Variants in EDN2 observed in about 807,000 individuals in gnomAD.
EDN2 encodes endothelin-2.
EDN2 carries 10 observed loss-of-function variants against 19.9 expected under a neutral mutation model. That is an observed-to-expected ratio of 0.50 (90% CI 0.31 to 0.85). The LOEUF is 0.85. Ranked by LOEUF, EDN2 falls within the 40% of genes least tolerant of loss-of-function variation. The pLI, the probability that EDN2 is intolerant of heterozygous loss-of-function variation, is 0.05. For synonymous variants in EDN2, 84 were observed against 94.9 expected (o/e 0.89, Z 0.67); for missense variants, 222 against 239.3 (o/e 0.93, Z 0.48).
chr1:41,484,105 G>T lies in EDN2; in HGVS notation c.163C>A (p.Leu55Ile). The T allele has an allele frequency of 1.2e-6, 2 of 1,613,778 alleles. No individual in the cohort carries two copies. Among genetic ancestry groups the T allele is most frequent in the South Asian group, 2.2e-5 (2 of 91,020 alleles). ...RLRRCSCSSW[L>I]DKECVYFCHL... ...CAGAAGTAGACGCACTCCTTGTCGA[G>T]CCAGGAGCTGCAGGAGCAACGGCGA... The change falls in exon 2 of 5, where the codon CTC becomes ATC. Residue 55 changes from leucine to isoleucine, a missense_variant. By Grantham distance (5) the Leu-to-Ile change is conservative. Transcript: ENST00000372587.
chr1:41,484,667 A>G lies in EDN2; in HGVS notation c.-66T>C, dbSNP rs1404146910. The G allele has an allele frequency of 7.2e-6, 11 of 1,531,974 alleles. No individual in the cohort carries two copies. The African/African-American group carries it at 1.4e-4, about 19-fold the overall frequency. The allele number at this position is 1,531,974 out of a possible 1,614,324, so 94.9% of individuals were successfully genotyped here. On this transcript the variant is annotated 5_prime_UTR_variant, in exon 1 of 5. Coordinates refer to ENST00000372587, the MANE Select transcript of EDN2 (RefSeq NM_001956.5). ...GCCTGTTGCCAGCGTCCTGCTATTAAGCTGAGCAGATAGCTCATTGCCTCG... is the reference window on the plus strand; with the variant it reads ...GCCTGTTGCCAGCGTCCTGCTATTAGGCTGAGCAGATAGCTCATTGCCTCG...
chr1:41,478,912 C>T lies in EDN2; in HGVS notation c.*497G>A, dbSNP rs1339122037. 7.8e-6 allele frequency: 2 copies of T among 257,184 alleles called. No individual in the cohort carries two copies. Among genetic ancestry groups the T allele is most frequent in the East Asian group, 8.9e-5 (1 of 11,266 alleles). The allele number at this position is 257,184 out of a possible 1,614,324, so 15.9% of individuals were successfully genotyped here. A position where few individuals can be genotyped will look rare whatever the true frequency, so the allele number is the denominator to read the frequency against. On this transcript the variant is annotated 3_prime_UTR_variant, in exon 5 of 5. Transcript: ENST00000372587. ...ACAGACAGGAAAAGCAGAGCAGGCC[C>T]TTCTCACTGGGAGGGTCCCGAGGGA...
intron 2 of EDN2, chr1:41,483,739 C>A (rs1056098244): frequency 6.4e-5 from 18 of 282,620 alleles, no homozygotes; most frequent in Non-Finnish European, 1.0e-4. Context: ...GGTGCCTACC[C>A]TTACAATTAC....
At position 41,481,175 on chromosome 1, in the gene EDN2, G is replaced by T. The variant is rs776695516; in HGVS notation, c.363C>A (p.Val121=). 2.5e-6 allele frequency: 4 copies of T among 1,613,966 alleles called. No individual in the cohort carries two copies. Among genetic ancestry groups the T allele is most frequent in the Non-Finnish European group, 3.4e-6 (4 of 1,180,024 alleles). The change falls in exon 4 of 5, where the codon GTC becomes GTA. Residue 121 remains valine (V), a synonymous_variant. Transcript: ENST00000372587. ...CGTCTGCAGGGGACTTCCGGCTTGG[G>T]ACTGCCCCGGCTTCAGTCCTACGTG... ...LRRPWTEAGA[V]PSRKSPADVF...
At chr1:41,484,284 C>A in intron 1 of EDN2, 81 bp from the exon 2 acceptor site, 1 of 1,521,196 alleles carries the variant, frequency 6.6e-7, no homozygotes, top group Non-Finnish European at 8.9e-7. Context: ...CCCACCATGC[C>A]CCTCCTCTTG....
rs763256796 is a variant in EDN2, at chr1:41,482,633, A to AAG, written c.222-47_222-46dup. Reference sequence around the variant, plus strand: ...AAGGTAGTGGTGTGGGGTGGAGAGAAAGAGAGAGAGAGAAAAAAATAAAGA... The same window carrying AAG: ...AAGGTAGTGGTGTGGGGTGGAGAGAAAGAGAGAGAGAGAGAAAAAAATAAAGA... On this transcript the variant is annotated intron_variant, in intron 2 of 4. Coordinates refer to ENST00000372587, the MANE Select transcript of EDN2 (RefSeq NM_001956.5). 19 of 1,514,246 alleles carry AAG rather than the reference A, an allele frequency of 1.3e-5. No individual in the cohort carries two copies. In the Admixed American group the frequency reaches 3.4e-4, roughly 27 times the overall value. 93.8% of individuals were successfully genotyped at this position (1,514,246 alleles called of 1,614,324 possible).
At chr1:41,481,948 G>A (rs1255677835) in intron 3 of EDN2, among the ~76,000 whole-genome samples, 1 of 152,178 alleles carries the variant, frequency 6.6e-6, no homozygotes. Context: ...TTAGGCTCAG[G>A]TAAGATAGGA....
intron 3 of EDN2, 22 bp downstream of exon 3, chr1:41,482,444 T>C (rs1185857976): frequency 1.3e-6 from 2 of 1,592,616 alleles, no homozygotes; most frequent in Non-Finnish European, 8.5e-7. Flanking sequence ...CCTATGCCCC[T>C]GCAGGCTGGG....
intron 4 of EDN2, among the ~76,000 whole-genome samples, chr1:41,480,043 A>C (rs1644233972): frequency 6.6e-6 from 1 of 152,194 alleles, no homozygotes; most frequent in African/African-American, 2.4e-5. Flanking sequence ...TAGCTAAGGA[A>C]ACTTGGGCAA....
Position 41,484,123 on chromosome 1 carries a change from A to T in EDN2, c.145T>A (p.Cys49Ser). 2 of 1,613,818 alleles carry T rather than the reference A, an allele frequency of 1.2e-6. No individual in the cohort carries two copies. Among genetic ancestry groups the T allele is most frequent in the African/African-American group, 1.3e-5 (1 of 75,064 alleles). The change falls in exon 2 of 5, where the codon TGC (cysteine) becomes AGC (serine). Residue 49 changes from cysteine to serine, a missense_variant. Cys to Ser is a moderately radical substitution (Grantham distance 112, BLOSUM62 -1). Coordinates refer to ENST00000372587, the MANE Select transcript of EDN2 (RefSeq NM_001956.5). ...AQGTHLRLRR[C>S]SCSSWLDKEC... ...TTGTCGAGCCAGGAGCTGCAGGAGCAACGGCGAAGCCGAAGGTGGGTGCCT... is the reference window on the plus strand; with the variant it reads ...TTGTCGAGCCAGGAGCTGCAGGAGCTACGGCGAAGCCGAAGGTGGGTGCCT...
At position 41,481,154 on chromosome 1, in the gene EDN2, T is replaced by C; in HGVS notation, c.384A>G (p.Ala128=). 2 of 1,614,122 alleles carry C rather than the reference T, an allele frequency of 1.2e-6. No individual in the cohort carries two copies. The highest frequency in any genetic ancestry group is 1.7e-6 in the Non-Finnish European group (2 of 1,180,036). Residue 128 remains alanine (A), a synonymous_variant, in exon 4 of 5, where the codon GCA becomes GCG. Transcript: ENST00000372587. The part of the protein sequence containing the change: ...AGAVPSRKSP[A]DVFQTGKTGA... Reference sequence around the variant, plus strand: ...CTGTCTTGCCAGTCTGGAACACGTCTGCAGGGGACTTCCGGCTTGGGACTG... The same window carrying C: ...CTGTCTTGCCAGTCTGGAACACGTCCGCAGGGGACTTCCGGCTTGGGACTG...
intron 2 of EDN2, 65 bp from the exon 3 acceptor site, chr1:41,482,653 TAA>T: frequency 6.7e-7 from 1 of 1,487,442 alleles, no homozygotes; most frequent in South Asian, 1.3e-5. Context: ...GAGAAAAAAA[TAA>T]AGAGAGAGAG....
intron 4 of EDN2, 36 bp downstream of exon 4, chr1:41,481,059 A>T: frequency 2.0e-6 from 3 of 1,511,086 alleles, no homozygotes; most frequent in Non-Finnish European, 1.8e-6. Flanking sequence ...GGCATACAGG[A>T]GGTGCTCAGT....
chr1:41,480,999 C>T, intron 4 of EDN2, 96 bp downstream of exon 4: 3 of 1,034,250 alleles, frequency 2.9e-6, no homozygotes, highest in Non-Finnish European at 4.4e-6. Flanking sequence ...TCTTTGCTGC[C>T]CAATGAGGAC....
chr1:41,482,709 C>T (rs1402889215), intron 2 of EDN2, 121 bp from the exon 3 acceptor site: 2 of 1,329,718 alleles, frequency 1.5e-6, no homozygotes, highest in Non-Finnish European at 9.7e-7. Flanking sequence ...ACTGTCCACA[C>T]TGCCCACTGG....
chr1:41,479,558 C>T, intron 4 of EDN2, 56 bp from the exon 5 acceptor site: 1 of 1,508,546 alleles, frequency 6.6e-7, no homozygotes, highest in Non-Finnish European at 9.2e-7. Flanking sequence ...TGTCCAAGAG[C>T]TCCCCATGAG....
At chr1:41,483,278 C>A (rs1644263868) in intron 2 of EDN2, among the ~76,000 whole-genome samples, 2 of 152,240 alleles carry the variant, frequency 1.3e-5, no homozygotes, top group African/African-American at 4.8e-5. Context: ...GTCGCAGTGA[C>A]TCCAGGTAGA....
At chr1:41,481,685 G>C (rs371401303) in intron 3 of EDN2, among the ~76,000 whole-genome samples, 2 of 151,922 alleles carry the variant, frequency 1.3e-5, no homozygotes, top group African/African-American at 2.4e-5. Flanking sequence ...GATTACAGGC[G>C]CCCGCCACCA....
At position 41,481,212 on chromosome 1, in the gene EDN2, G is replaced by A. The variant is rs1644244823; in HGVS notation, c.345-19C>T. 1 of 1,609,148 alleles carries A rather than the reference G, an allele frequency of 6.2e-7. No homozygotes were observed. Among genetic ancestry groups the A allele is most frequent in the Non-Finnish European group, 8.5e-7 (1 of 1,176,140 alleles). On this transcript the variant is annotated intron_variant, in intron 3 of 4. Coordinates refer to ENST00000372587, the MANE Select transcript of EDN2 (RefSeq NM_001956.5). ...TTCAGTCCTACGTGAATAGCATTAGGGCCCAAGTGATGGACTGCCCAGGGC... is the reference window on the plus strand; with the variant it reads ...TTCAGTCCTACGTGAATAGCATTAGAGCCCAAGTGATGGACTGCCCAGGGC...
Sources: gnomAD v4.1 joint callset for allele counts (sites outside exome capture counted in the v4.1 genomes callset) on GRCh38, gnomAD v4.1.1 for gene constraint, MANE v1.5 for transcripts, NCBI Gene and HGNC (gene_info 2026-07-23, HGNC 2026-07-21) for gene names.